GLI2: variants seen among roughly 807,000 people sequenced by gnomAD.
GLI2 encodes transcription activator GLI2.
GLI2 carries 22 observed loss-of-function variants against 78.9 expected under a neutral mutation model. The ratio of observed to expected loss-of-function variants is 0.28; its 90% confidence interval spans 0.20 to 0.40. The LOEUF is 0.40. GLI2 is among the 10% of genes least tolerant of loss of function. The pLI is 1.00. For missense variants in GLI2, 2,097 were observed against 2,213.2 expected (o/e 0.95, Z 1.05); for synonymous variants, 974 against 963.7 (o/e 1.01, Z -0.20).
At chr2:120,832,000 G>T (rs1298093393) in intron 2 of GLI2, among the ~76,000 whole-genome samples, 7 of 152,216 alleles carry the variant, frequency 4.6e-5, no homozygotes, top group Non-Finnish European at 1.0e-4. Context: ...GCACCACAAG[G>T]CGGGGTGGTT....
intron 1 of GLI2, among the ~76,000 whole-genome samples, chr2:120,787,145 G>T (rs983387787): frequency 2.6e-5 from 4 of 152,194 alleles, no homozygotes; most frequent in Non-Finnish European, 5.9e-5. Flanking sequence ...TCCCAGGGAG[G>T]CTTCTCTGAG....
In GLI2 at chr2:120,992,007, TACAC is replaced by T. The variant is rs59277032; in HGVS notation, c.*1373_*1376del. ...GTGAATTGGTGCATCTTCCCCACCATACACACACACACACACACACACACACACA... is the reference window on the plus strand; with the variant it reads ...GTGAATTGGTGCATCTTCCCCACCATACACACACACACACACACACACACA... On this transcript the variant is annotated 3_prime_UTR_variant, in exon 14 of 14. Coordinates refer to ENST00000361492, the MANE Select transcript of GLI2 (RefSeq NM_001374353.1). 0.018 allele frequency: 2,401 copies of T among 130,108 alleles called. 26 individuals carry two copies. The highest frequency in any genetic ancestry group is 0.036 in the South Asian group (128 of 3,524). 8.1% of individuals were successfully genotyped at this position (130,108 alleles called of 1,614,324 possible).
At chr2:120,756,972 T>G (rs2104639839) in intron 1 of GLI2, among the ~76,000 whole-genome samples, 1 of 152,300 alleles carries the variant, frequency 6.6e-6, no homozygotes, top group African/African-American at 2.4e-5. Context: ...CCGGATAGTT[T>G]TTGTTGCTAT....
At chr2:120,917,420 A>G (rs976902512) in intron 2 of GLI2, among the ~76,000 whole-genome samples, 50 of 152,218 alleles carry the variant, frequency 3.3e-4, no homozygotes, top group African/African-American at 1.2e-3. Context: ...ACATGTGTGC[A>G]TTCAGGCCCC....
chr2:120,862,937 G>A (rs1000579905), intron 2 of GLI2, among the ~76,000 whole-genome samples: 1 of 152,228 alleles, frequency 6.6e-6, no homozygotes, highest in Non-Finnish European at 1.5e-5. Context: ...CCCAGTCGGA[G>A]GGAGCTTCCA....
chr2:120,882,695 G>A (rs78536566), intron 2 of GLI2, among the ~76,000 whole-genome samples: 6,321 of 152,268 alleles, frequency 0.042, 450 homozygotes, highest in African/African-American at 0.14. Context: ...TCCCCTCTGG[G>A]TCCTGCTGGC....
At chr2:120,896,638 T>TACAC (rs149519455) in intron 2 of GLI2, among the ~76,000 whole-genome samples, 2,256 of 119,388 alleles carry the variant, frequency 0.019, 70 homozygotes, top group African/African-American at 0.064. Context: ...AAAACACACA[T>TACAC]ACACACACAC....
intron 1 of GLI2, among the ~76,000 whole-genome samples, chr2:120,774,200 C>T (rs548561021): frequency 6.6e-6 from 1 of 152,272 alleles, no homozygotes; most frequent in South Asian, 2.1e-4. Flanking sequence ...ATAACTAGTA[C>T]AAGTGAAAGA....
At chr2:120,886,410 C>T (rs913360843) in intron 2 of GLI2, among the ~76,000 whole-genome samples, 2 of 151,950 alleles carry the variant, frequency 1.3e-5, no homozygotes, top group Non-Finnish European at 2.9e-5. Flanking sequence ...GGACCACAGG[C>T]GCGCACCACC....
chr2:120,782,114 G>A (rs779348301), intron 1 of GLI2, among the ~76,000 whole-genome samples: 7 of 152,146 alleles, frequency 4.6e-5, no homozygotes, highest in Non-Finnish European at 1.0e-4. Context: ...GTACTGTCCC[G>A]TTGTCTCGCT....
At chr2:120,957,110 G>A (rs911663738) in intron 5 of GLI2, among the ~76,000 whole-genome samples, 5 of 152,194 alleles carry the variant, frequency 3.3e-5, no homozygotes, top group African/African-American at 1.2e-4. Context: ...CCCAGGAAAA[G>A]TTTTGCTGAG....
chr2:120,889,131 A>G (rs1677559727), intron 2 of GLI2, among the ~76,000 whole-genome samples: 1 of 152,238 alleles, frequency 6.6e-6, no homozygotes, highest in African/African-American at 2.4e-5. Flanking sequence ...TGCGGTGGCC[A>G]TAGTCTCCTC....
intron 2 of GLI2, among the ~76,000 whole-genome samples, chr2:120,839,004 G>A (rs760734700): frequency 6.6e-6 from 1 of 152,174 alleles, no homozygotes; most frequent in Non-Finnish European, 1.5e-5. Context: ...CAAGGTTGAG[G>A]AACCTGCATC....
intron 1 of GLI2, among the ~76,000 whole-genome samples, chr2:120,764,257 G>A (rs925838873): frequency 2.9e-4 from 44 of 152,226 alleles, no homozygotes; most frequent in Non-Finnish European, 5.6e-4. Flanking sequence ...ACCTTCCACC[G>A]TGCTGGGGAG....
chr2:120,830,675 G>A (rs12185756), intron 2 of GLI2, among the ~76,000 whole-genome samples: 26,724 of 152,126 alleles, frequency 0.18, 2,397 homozygotes, highest in Middle Eastern at 0.26. Context: ...GAGCCCTCTG[G>A]AGAATGTGCA....
chr2:120,960,709 G>T (rs1190142341), intron 5 of GLI2, among the ~76,000 whole-genome samples: 1 of 152,224 alleles, frequency 6.6e-6, no homozygotes, highest in Non-Finnish European at 1.5e-5. Context: ...AGTGGTGGAA[G>T]AAAGGCCAGA....
At chr2:120,761,254 A>T (rs1370325910) in intron 1 of GLI2, among the ~76,000 whole-genome samples, 1 of 152,080 alleles carries the variant, frequency 6.6e-6, no homozygotes, top group African/African-American at 2.4e-5. Flanking sequence ...ATGGGGACAT[A>T]TGGGCTGGGT....
chr2:120,868,212 G>A (rs1558844049), intron 2 of GLI2, among the ~76,000 whole-genome samples: 2 of 152,242 alleles, frequency 1.3e-5, no homozygotes, highest in Non-Finnish European at 2.9e-5. Context: ...TTGTCTGCGA[G>A]TCCCAGCTCA....
intron 1 of GLI2, among the ~76,000 whole-genome samples, chr2:120,739,920 T>G (rs1682476644): frequency 6.6e-6 from 1 of 152,232 alleles, no homozygotes; most frequent in African/African-American, 2.4e-5. Flanking sequence ...GCTCTCTAAT[T>G]GTTTCCTCAG....
Sources: gnomAD v4.1 joint callset for allele counts (sites outside exome capture counted in the v4.1 genomes callset) on GRCh38, gnomAD v4.1.1 for gene constraint, MANE v1.5 for transcripts, NCBI Gene and HGNC (gene_info 2026-07-23, HGNC 2026-07-21) for gene names.